The following RYR1 variants were observed in gnomAD, a reference collection of about 807,000 sequenced individuals.
RYR1 encodes the protein ryanodine receptor 1, also known as central core disease of muscle.
In RYR1, 342 loss-of-function variants were observed where a neutral mutation model predicts 583.5. The ratio of observed to expected loss-of-function variants is 0.59; its 90% CI spans 0.54 to 0.64. RYR1 has a LOEUF of 0.64. RYR1 is among the 30% of genes least tolerant of loss of function. The pLI is 0.00. For missense variants in RYR1, 6,032 were observed against 6,917.2 expected (o/e 0.87, Z 4.54); for synonymous variants, 2,791 against 2,822.5 (o/e 0.99, Z 0.35).
chr19:38,527,835 C>T (rs374103062), intron 73 of RYR1, 51 bp downstream of exon 73: 112 of 1,570,604 alleles, frequency 7.1e-5, no homozygotes, highest in East Asian at 2.8e-4. Flanking sequence ...CGGAGCCTGG[C>T]GGGGGGAGGG....
In RYR1 at chr19:38,505,251, C is replaced by A. The variant is rs542139785; in HGVS notation, c.8311-58C>A. 11 of 1,300,374 alleles carry A rather than the reference C, an allele frequency of 8.5e-6. No individual in the cohort carries two copies. The African/African-American group carries it at 8.8e-5, about 10-fold the overall frequency. The allele number at this position is 1,300,374 out of a possible 1,614,324, so 80.6% of individuals were successfully genotyped here. On this transcript the variant is annotated intron_variant, in intron 52 of 105. Transcript: ENST00000359596. ...TCTCTGTCCTCGGCTCCTCCAGGGTCGCCCCGTGTGTCCCCAACTGCTGCC... is the reference window on the plus strand; with the variant it reads ...TCTCTGTCCTCGGCTCCTCCAGGGTAGCCCCGTGTGTCCCCAACTGCTGCC...
chr19:38,578,061 C>T lies in RYR1; in HGVS notation c.14303+13C>T. The T allele has an allele frequency of 6.2e-7, 1 of 1,613,992 alleles. No individual in the cohort carries two copies. Among genetic ancestry groups the T allele is most frequent in the Non-Finnish European group, 8.5e-7 (1 of 1,179,952 alleles). On this transcript the variant is annotated intron_variant, in intron 98 of 105. Transcript: ENST00000359596. Reference sequence around the variant, plus strand: ...GGCTGCTGACCTGGTGAGCCCAGGACACCCCTGCACAGGCCTGGGGCATGC... The same window carrying T: ...GGCTGCTGACCTGGTGAGCCCAGGATACCCCTGCACAGGCCTGGGGCATGC...
Position 38,469,410 on chromosome 19 carries a change from G to C in RYR1, c.3662G>C (p.Gly1221Ala). ...TTTGCCATCTGTGGCCTCCAGGAAG[G>C]CTTCGAGCCATTTGCCATCAACATG... ...RFFAICGLQEGFEPFAINMQR... is the reference protein window; with the variant it reads ...RFFAICGLQEAFEPFAINMQR... The change falls in exon 27 of 106, where the codon GGC (glycine) becomes GCC (alanine). Residue 1221 changes from glycine to alanine, a missense_variant. Gly to Ala is a moderately conservative substitution (Grantham distance 60). Around this residue, in one of 11 missense-constraint regions of RYR1, gnomAD observed 2,627 missense variants for 2,961.3 expected, o/e 0.89. Coordinates refer to ENST00000359596, the MANE Select transcript of RYR1 (RefSeq NM_000540.3). 1 of 1,614,132 alleles carries C rather than the reference G, an allele frequency of 6.2e-7. No individual in the cohort carries two copies. The highest frequency in any genetic ancestry group is 8.5e-7 in the Non-Finnish European group (1 of 1,180,030).
Position 38,502,546 on chromosome 19 carries a change from C to T in RYR1, c.7654C>T (p.Arg2552Cys), listed in dbSNP as rs748782984. Reference sequence around the variant, plus strand: ...CACCGAGATGGCGCTGGCGCTGAACCGCTACCTGTGCCTGGCCGTGCTGCC... The same window carrying T: ...CACCGAGATGGCGCTGGCGCTGAACTGCTACCTGTGCCTGGCCGTGCTGCC... Reference protein sequence around the residue: ...STTEMALALNRYLCLAVLPLI... With the variant: ...STTEMALALNCYLCLAVLPLI... Residue 2552 changes from arginine (R) to cysteine (C), a missense_variant, in exon 48 of 106, where the codon CGC becomes TGC. Physicochemically the swap from Arg to Cys is radical, Grantham distance 180. Transcript: ENST00000359596. 4 of 1,611,122 alleles carry T rather than the reference C, an allele frequency of 2.5e-6. No individual in the cohort carries two copies. In the South Asian group the frequency reaches 3.3e-5, roughly 13 times the overall value.
In RYR1 at chr19:38,440,830, G is replaced by C. The variant is rs139161723; in HGVS notation, c.131G>C (p.Arg44Pro). The change falls in exon 2 of 106, where the codon CGC becomes CCC. Residue 44 changes from arginine (R) to proline (P), a missense_variant. Arg to Pro is a moderately radical substitution (Grantham distance 103). Transcript: ENST00000359596. ...LCLAAEGFGN[R>P]LCFLEPTSNA... is the part of the protein sequence containing the mutation. ...CTGGCCGCCGAGGGCTTCGGCAACC[G>C]CCTGTGCTTCCTGGAGCCCACTAGC... 6.2e-7 allele frequency: 1 copy of C among 1,611,224 alleles called. No homozygotes were observed. The highest frequency in any genetic ancestry group is 8.5e-7 in the Non-Finnish European group (1 of 1,179,448).
chr19:38,444,369 C>G lies in RYR1; in HGVS notation c.537+108C>G. ...TGATCTCCCACCCCCAAGGTCCTGA[C>G]TCCCAATTTCCCATTTCCTGACCCC... On this transcript the variant is annotated intron_variant, in intron 6 of 105. Transcript: ENST00000359596. This position sits in a 1 kb window ranked among gnomAD's most constrained non-coding sequence, Gnocchi z 5.1. The G allele has an allele frequency of 1.0e-6, 1 of 979,482 alleles. No individual in the cohort carries two copies. Among genetic ancestry groups the G allele is most frequent in the Non-Finnish European group, 1.6e-6 (1 of 624,922 alleles). The allele number at this position is 979,482 out of a possible 1,614,324, so 60.7% of individuals were successfully genotyped here. A position where few individuals can be genotyped will look rare whatever the true frequency, so the allele number is the denominator to read the frequency against.
At position 38,496,755 on chromosome 19, in the gene RYR1, A is replaced by AG. The variant is rs1424674581; in HGVS notation, c.6797-103dup. 25 of 1,210,234 alleles carry AG rather than the reference A, an allele frequency of 2.1e-5. No individual in the cohort carries two copies. The highest frequency in any genetic ancestry group is 2.9e-5 in the Non-Finnish European group (24 of 819,060). 75.0% of individuals were successfully genotyped at this position (1,210,234 alleles called of 1,614,324 possible). A position where few individuals can be genotyped will look rare whatever the true frequency, so the allele number is the denominator to read the frequency against. On this transcript the variant is annotated intron_variant, in intron 41 of 105. Transcript: ENST00000359596. This position sits in a 1 kb window ranked among gnomAD's most constrained non-coding sequence, Gnocchi z 4.8. ...CTTGGATGAGGGAAGTACAGACCAG[A>AG]GGAGGCACCTGATCCAGGCTGGAAA...
At chr19:38,536,217 G>A (rs1163946563) in intron 82 of RYR1, 147 bp downstream of exon 82, 4 of 697,538 alleles carry the variant, frequency 5.7e-6, no homozygotes, top group Middle Eastern at 3.8e-4. Flanking sequence ...CTCTGCTGTG[G>A]TCCCCCAGTC....
At chr19:38,439,252 C>A (rs941081302) in intron 1 of RYR1, among the ~76,000 whole-genome samples, 1 of 151,768 alleles carries the variant, frequency 6.6e-6, no homozygotes, top group Non-Finnish European at 1.5e-5. Context: ...CTTGTTGCCC[C>A]AGACTGGAGT....
chr19:38,506,278 T>G, intron 54 of RYR1, 25 bp from the exon 55 acceptor site: 1 of 1,612,872 alleles, frequency 6.2e-7, no homozygotes, highest in Non-Finnish European at 8.5e-7. Flanking sequence ...TCAGCCCACC[T>G]CCCATCTTCC....
In RYR1 at chr19:38,528,604, G is replaced by A. The variant is rs746347448; in HGVS notation, c.10943G>A (p.Arg3648Gln). Reference protein sequence around the residue: ...MTPLYNLPTHRACNMFLESYK... With the variant: ...MTPLYNLPTHQACNMFLESYK... ...GTCACACCTCTCCCCTGCAGGCACCGGGCATGTAACATGTTCCTGGAGAGC... is the reference window on the plus strand; with the variant it reads ...GTCACACCTCTCCCCTGCAGGCACCAGGCATGTAACATGTTCCTGGAGAGC... Residue 3648 changes from arginine to glutamine, a missense_variant, in exon 75 of 106, where the codon CGG (arginine) becomes CAG (glutamine). Arg to Gln is a conservative substitution (Grantham distance 43). Coordinates refer to ENST00000359596, the MANE Select transcript of RYR1 (RefSeq NM_000540.3). The A allele has an allele frequency of 1.2e-6, 2 of 1,614,126 alleles. No homozygotes were observed. The highest frequency in any genetic ancestry group is 4.5e-5 in the East Asian group (2 of 44,884).
In RYR1 at chr19:38,490,743, G is replaced by C. The variant is rs775128774; in HGVS notation, c.6127+11G>C. ...TGCTGGCACACTGTGGTAAGGAGTG[G>C]GGATCAGAGAGTCCTCCCCATGCTA... On this transcript the variant is annotated intron_variant, in intron 37 of 105. Coordinates refer to ENST00000359596, the MANE Select transcript of RYR1 (RefSeq NM_000540.3). 1 of 1,568,028 alleles carries C rather than the reference G, an allele frequency of 6.4e-7. No homozygotes were observed. Among genetic ancestry groups the C allele is most frequent in the South Asian group, 1.1e-5 (1 of 90,142 alleles).
At chr19:38,441,629 G>T (rs1048641701) in intron 2 of RYR1, among the ~76,000 whole-genome samples, 1 of 151,490 alleles carries the variant, frequency 6.6e-6, no homozygotes, top group Non-Finnish European at 1.5e-5. Context: ...ACCCGCAGGG[G>T]CCTGACTTGG....
rs1282572079 is a variant in RYR1, at chr19:38,502,065, G to A, written c.7615-442G>A. On this transcript the variant is annotated intron_variant, in intron 47 of 105. Coordinates refer to ENST00000359596, the MANE Select transcript of RYR1 (RefSeq NM_000540.3). Reference sequence around the variant, plus strand: ...CTAGCTACTAGGGAGGCTGAGGCAGGAGGATCACTTGAGCCCAGGAATTCG... The same window carrying A: ...CTAGCTACTAGGGAGGCTGAGGCAGAAGGATCACTTGAGCCCAGGAATTCG... Among the ~76,000 whole-genome samples, 3 of 152,202 alleles carry A rather than the reference G, an allele frequency of 2.0e-5. No individual in the cohort carries two copies. The East Asian group carries it at 5.8e-4, about 29-fold the overall frequency.
At chr19:38,495,339 G>A (rs11880533) in intron 39 of RYR1, among the ~76,000 whole-genome samples, 32,481 of 151,912 alleles carry the variant, frequency 0.21, 4,685 homozygotes, top group African/African-American at 0.4. Flanking sequence ...CACCTACTTC[G>A]TGCCAGGCAT....
chr19:38,444,151 G>C lies in RYR1; in HGVS notation c.427G>C (p.Glu143Gln), dbSNP rs1972826771. The C allele has an allele frequency of 6.2e-7, 1 of 1,613,570 alleles. No homozygotes were observed. Among genetic ancestry groups the C allele is most frequent in the Non-Finnish European group, 8.5e-7 (1 of 1,179,658 alleles). The change falls in exon 6 of 106, where the codon GAG becomes CAG. Residue 143 changes from glutamate to glutamine, a missense_variant and splice_region_variant. Transcript: ENST00000359596. The surrounding 1 kb of genome is among the most constrained non-coding windows in gnomAD (Gnocchi z 5.1). The part of the protein sequence containing the change: ...DVGLQEDATG[E>Q]ACWWTMHPAS... ...CCCCATTCCATCCCCACCCATAGGA[G>C]AGGCTTGCTGGTGGACCATGCACCC... is the stretch of plus-strand genomic sequence containing the variant.
intron 84 of RYR1, among the ~76,000 whole-genome samples, chr19:38,542,488 G>A (rs1309786115): frequency 2.6e-5 from 4 of 152,054 alleles, no homozygotes; most frequent in Admixed American, 2.0e-4. Flanking sequence ...CACATAGCAG[G>A]CCCTCAATAA....
rs1210468619 is a variant in RYR1 at position 38,452,806 on chromosome 19, G to A, written c.1245-13G>A. On this transcript the variant is annotated splice_polypyrimidine_tract_variant and intron_variant, in intron 12 of 105. Coordinates refer to ENST00000359596, the MANE Select transcript of RYR1 (RefSeq NM_000540.3). ...GCTCCCAGCCGTGGCTGACAGCTGC[G>A]AGGTCCCTGTAGGAGCCTGGACAGC... 5.1e-6 allele frequency: 8 copies of A among 1,571,234 alleles called. No individual in the cohort carries two copies. Among genetic ancestry groups the A allele is most frequent in the South Asian group, 2.3e-5 (2 of 86,702 alleles).
At chr19:38,466,446 A>G in intron 24 of RYR1, 48 bp downstream of exon 24, 1 of 1,508,078 alleles carries the variant, frequency 6.6e-7, no homozygotes. Flanking sequence ...CCCAACTCTG[A>G]CCCCAGCCCC....
Sources: gnomAD v4.1 joint callset for allele counts (sites outside exome capture counted in the v4.1 genomes callset) on GRCh38, gnomAD v4.1.1 for gene constraint, gnomAD v4.1.1 regional missense constraint, Gnocchi (gnomAD v3.1) non-coding constraint, MANE v1.5 for transcripts, NCBI Gene and HGNC (gene_info 2026-07-23, HGNC 2026-07-21) for gene names.